The following CAST variants were observed in gnomAD, a reference collection of about 807,000 sequenced individuals.
CAST encodes the protein calpastatin.
A neutral mutation model predicts 119.6 loss-of-function variants in CAST; 76 were observed. The ratio of observed to expected loss-of-function variants is 0.64; its 90% CI spans 0.53 to 0.77. The LOEUF is 0.77. CAST is among the 30% of genes least tolerant of loss of function. The pLI is 0.00. For missense variants in CAST, 953 were observed against 946.5 expected (o/e 1.01, Z -0.09); for synonymous variants, 319 against 331.6 (o/e 0.96, Z 0.41).
the CAST span, among the ~76,000 whole-genome samples, chr5:96,210,871 C>T: frequency 6.6e-6 from 1 of 151,894 alleles, no homozygotes; most frequent in African/African-American, 2.4e-5. Flanking sequence ...TTGTAACTTT[C>T]AGCACATAAA....
At chr5:96,499,605 C>T in the CAST span, among the ~76,000 whole-genome samples, 11,071 of 152,128 alleles carry the variant, frequency 0.073, 801 homozygotes, top group East Asian at 0.28. Context: ...AAGACAACAA[C>T]GAAGTTTGTC....
intron 1 of CAST, among the ~76,000 whole-genome samples, chr5:96,536,443 C>T (rs1031022171): frequency 6.6e-6 from 1 of 152,120 alleles, no homozygotes; most frequent in Non-Finnish European, 1.5e-5. Context: ...TGTAGACATG[C>T]CTGGTGTATT....
At chr5:96,304,370 T>A in the CAST span, among the ~76,000 whole-genome samples, 1 of 152,212 alleles carries the variant, frequency 6.6e-6, no homozygotes, top group Admixed American at 6.5e-5. Flanking sequence ...GATGGACAGA[T>A]TACAAAAATT....
Position 96,773,498 on chromosome 5 carries a change from G to A in CAST, c.*882G>A, listed in dbSNP as rs184896384. ...TACATAAAACCTGAGCAGCAACTGT[G>A]TCTTTAGAGCTATTGCCACATTAGC... On this transcript the variant is annotated 3_prime_UTR_variant, in exon 32 of 32. Transcript: ENST00000675179. The A allele has an allele frequency of 6.6e-6, 1 of 152,400 alleles. No individual in the cohort carries two copies. Among genetic ancestry groups the A allele is most frequent in the African/African-American group, 2.4e-5 (1 of 41,560 alleles). 9.4% of individuals were successfully genotyped at this position (152,400 alleles called of 1,614,324 possible). A position where few individuals can be genotyped will look rare whatever the true frequency, so the allele number is the denominator to read the frequency against.
At chr5:96,495,020 A>C in the CAST span, among the ~76,000 whole-genome samples, 9 of 151,480 alleles carry the variant, frequency 5.9e-5, no homozygotes, top group Non-Finnish European at 8.8e-5. Context: ...CGGGAAGCTG[A>C]GGCAGTAAAA....
At chr5:96,320,659 T>C in the CAST span, among the ~76,000 whole-genome samples, 5 of 152,188 alleles carry the variant, frequency 3.3e-5, no homozygotes, top group African/African-American at 1.2e-4. Context: ...AATTCAAGAT[T>C]GAATAAGAAA....
the CAST span, among the ~76,000 whole-genome samples, chr5:96,353,630 C>T: frequency 6.6e-6 from 1 of 151,558 alleles, no homozygotes; most frequent in South Asian, 2.1e-4. Flanking sequence ...GATAAATTCA[C>T]TCTTGTCTGG....
At chr5:96,310,924 T>G in the CAST span, among the ~76,000 whole-genome samples, 1 of 151,890 alleles carries the variant, frequency 6.6e-6, no homozygotes, top group Non-Finnish European at 1.5e-5. Flanking sequence ...AACTTCTATT[T>G]TATTTATTTC....
the CAST span, among the ~76,000 whole-genome samples, chr5:96,095,660 T>C: frequency 6.6e-6 from 1 of 151,818 alleles, no homozygotes; most frequent in South Asian, 2.1e-4. Context: ...CTCCTCATTT[T>C]AAGTTTGAAG....
At chr5:96,394,713 C>G in the CAST span, 12 of 709,330 alleles carry the variant, frequency 1.7e-5, no homozygotes, top group Non-Finnish European at 2.5e-5. Flanking sequence ...ACAGTTTTAT[C>G]CTATGGAAAA....
chr5:96,397,489 T>C, the CAST span: 1 of 1,607,036 alleles, frequency 6.2e-7, no homozygotes, highest in Non-Finnish European at 8.5e-7. Context: ...AAATACAAGT[T>C]AATGAATGTC....
At chr5:96,103,489 T>A in the CAST span, among the ~76,000 whole-genome samples, 1 of 151,178 alleles carries the variant, frequency 6.6e-6, no homozygotes, top group South Asian at 2.1e-4. Flanking sequence ...CTGAGAATGA[T>A]GATTTCCAAT....
chr5:96,059,114 G>A, the CAST span, among the ~76,000 whole-genome samples: 3 of 152,150 alleles, frequency 2.0e-5, no homozygotes, highest in East Asian at 1.9e-4. Flanking sequence ...TTACCTGAAG[G>A]CAATATAGAG....
At chr5:96,298,287 T>G in the CAST span, among the ~76,000 whole-genome samples, 2 of 152,218 alleles carry the variant, frequency 1.3e-5, no homozygotes. Context: ...ATCTATTTCT[T>G]TTAGTTTCTG....
chr5:96,130,450 A>G, the CAST span, among the ~76,000 whole-genome samples: 1 of 21,958 alleles, frequency 4.6e-5, no homozygotes, highest in African/African-American at 1.9e-4. Context: ...GGACATTAGG[A>G]AAAAAAAAAA....
At chr5:96,664,125 A>G (rs1277759944) in intron 1 of CAST, among the ~76,000 whole-genome samples, 1 of 152,170 alleles carries the variant, frequency 6.6e-6, no homozygotes, top group African/African-American at 2.4e-5. Context: ...CCTGTATAAG[A>G]ATCAAGAAAG....
the CAST span, among the ~76,000 whole-genome samples, chr5:96,081,008 A>G: frequency 2.0e-5 from 3 of 152,142 alleles, no homozygotes; most frequent in African/African-American, 4.8e-5. Context: ...CTTTTCTTGG[A>G]TTGTAAGTTT....
the CAST span, among the ~76,000 whole-genome samples, chr5:96,387,278 G>A: frequency 6.6e-6 from 1 of 152,182 alleles, no homozygotes; most frequent in African/African-American, 2.4e-5. Flanking sequence ...ATTGAGAAAA[G>A]CTAAGGCTTG....
At chr5:96,192,713 C>T in the CAST span, among the ~76,000 whole-genome samples, 2 of 152,168 alleles carry the variant, frequency 1.3e-5, no homozygotes, top group Admixed American at 1.3e-4. Flanking sequence ...TTGCTGGGGC[C>T]AGTGGAACGT....
Sources: gnomAD v4.1 joint callset for allele counts (sites outside exome capture counted in the v4.1 genomes callset) on GRCh38, gnomAD v4.1.1 for gene constraint, MANE v1.5 for transcripts, NCBI Gene and HGNC (gene_info 2026-07-23, HGNC 2026-07-21) for gene names.